Variants in DLG2 observed in about 807,000 individuals in gnomAD.
The protein encoded by DLG2 is discs large MAGUK scaffold protein 2.
In DLG2, 45 loss-of-function variants were observed where a neutral mutation model predicts 132.5. That is an observed-to-expected ratio of 0.34 (90% CI 0.27 to 0.44). DLG2 has a LOEUF of 0.44. Among genes scored for constraint, DLG2 ranks in the 20% least tolerant of loss-of-function variants. The pLI is 1.00. For synonymous variants in DLG2, 424 were observed against 419.6 expected (o/e 1.01, Z -0.13); for missense variants, 1,045 against 1,196.9 (o/e 0.87, Z 1.87).
At chr11:83,479,193 G>C (rs764618512) in intron 22 of DLG2, among the ~76,000 whole-genome samples, 1 of 151,558 alleles carries the variant, frequency 6.6e-6, no homozygotes, top group Non-Finnish European at 1.5e-5. Context: ...TTATTCCTTG[G>C]TCTACATCTT....
At chr11:84,349,890 A>G (rs1471401687) in intron 7 of DLG2, among the ~76,000 whole-genome samples, 2 of 152,158 alleles carry the variant, frequency 1.3e-5, no homozygotes, top group African/African-American at 4.8e-5. Flanking sequence ...AAAAAAATCC[A>G]GGCTAGGCCG....
intron 6 of DLG2, among the ~76,000 whole-genome samples, chr11:84,572,742 A>G (rs1463082395): frequency 6.6e-6 from 1 of 152,044 alleles, no homozygotes; most frequent in Non-Finnish European, 1.5e-5. Flanking sequence ...GAATGAGGTA[A>G]TATTATTCCC....
chr11:83,480,714 A>G, intron 22 of DLG2: 1 of 1,175,048 alleles, frequency 8.5e-7, no homozygotes, highest in Non-Finnish European at 1.2e-6. Flanking sequence ...ACCCATTCAT[A>G]TACCTCTGAC....
At chr11:84,988,295 T>C (rs1592270318) in intron 6 of DLG2, among the ~76,000 whole-genome samples, 2 of 152,232 alleles carry the variant, frequency 1.3e-5, no homozygotes, top group Admixed American at 1.3e-4. Flanking sequence ...AGTGGGAATG[T>C]AAACTAACAC....
intron 7 of DLG2, among the ~76,000 whole-genome samples, chr11:84,474,989 C>T (rs2099117778): frequency 6.6e-6 from 1 of 152,050 alleles, no homozygotes. Flanking sequence ...ATCCATCAGC[C>T]AGGTCTCTTG....
chr11:83,889,509 G>T (rs907721281), intron 15 of DLG2, among the ~76,000 whole-genome samples: 20 of 152,156 alleles, frequency 1.3e-4, no homozygotes, highest in Non-Finnish European at 2.9e-4. Flanking sequence ...ACTGTTGGTG[G>T]GACTGTAAAC....
At chr11:85,146,294 G>A (rs1352186814) in intron 5 of DLG2, among the ~76,000 whole-genome samples, 1 of 150,554 alleles carries the variant, frequency 6.6e-6, no homozygotes, top group Non-Finnish European at 1.5e-5. Context: ...GGGAGGGATG[G>A]CACAAGCACT....
In DLG2 at chr11:85,110,437, A is replaced by C. The variant is rs556769637; in HGVS notation, c.357+1224T>G. On this transcript the variant is annotated intron_variant, in intron 6 of 27. Coordinates refer to ENST00000376104, the MANE Select transcript of DLG2 (RefSeq NM_001142699.3). The stretch of plus-strand genomic sequence containing the variant: ...TGTCTCAAAAATAAAAACCAAAACC[A>C]AAAACAGAAAAACCACATCCTTTCT... 3.3e-5 allele frequency among the ~76,000 whole-genome samples: 5 copies of C among 152,038 alleles called. No individual in the cohort carries two copies. The East Asian group carries it at 9.7e-4, about 29-fold the overall frequency.
chr11:84,091,765 G>C (rs2097097093), intron 10 of DLG2, among the ~76,000 whole-genome samples: 1 of 152,168 alleles, frequency 6.6e-6, no homozygotes, highest in Admixed American at 6.5e-5. Flanking sequence ...GTATCACGAG[G>C]CTGCATGCAC....
intron 8 of DLG2, among the ~76,000 whole-genome samples, chr11:84,183,545 A>G (rs1266552282): frequency 6.6e-6 from 1 of 152,190 alleles, no homozygotes; most frequent in East Asian, 1.9e-4. Context: ...AAAAAACATA[A>G]GTAAACTTGG....
chr11:83,547,719 C>G (rs1303632197), intron 19 of DLG2, among the ~76,000 whole-genome samples: 1 of 152,132 alleles, frequency 6.6e-6, no homozygotes, highest in East Asian at 1.9e-4. Context: ...CTGGTGAGAT[C>G]TGTACCAGAC....
chr11:84,895,987 GA>G (rs2090135468), intron 6 of DLG2, among the ~76,000 whole-genome samples: 1 of 152,082 alleles, frequency 6.6e-6, no homozygotes, highest in African/African-American at 2.4e-5. Context: ...TGTATTAATA[GA>G]TATACTGTAT....
At chr11:84,936,341 A>G (rs2048742581) in intron 6 of DLG2, among the ~76,000 whole-genome samples, 2 of 152,176 alleles carry the variant, frequency 1.3e-5, no homozygotes, top group Non-Finnish European at 2.9e-5. Flanking sequence ...GGTTAGCATA[A>G]AAATTGGTAC....
intron 2 of DLG2, chr11:85,625,101 A>G (rs1301710971): frequency 6.6e-6 from 1 of 151,820 alleles, no homozygotes; most frequent in Non-Finnish European, 1.5e-5. Context: ...CTTCCTTCCC[A>G]CATACCTTTT....
chr11:84,107,029 T>C lies in DLG2; in HGVS notation c.625-7982A>G, dbSNP rs542034475. ...GTGTGTGTGTGAGAGAGTTTTAGCC[T>C]TAGGGGAGATATGTGGCAGTATCGA... On this transcript the variant is annotated intron_variant, in intron 9 of 27. Coordinates refer to ENST00000376104, the MANE Select transcript of DLG2 (RefSeq NM_001142699.3). Among the ~76,000 whole-genome samples the C allele has an allele frequency of 2.6e-4, 23 of 87,962 alleles. No homozygotes were observed. The Admixed American group carries it at 2.6e-3, about 10-fold the overall frequency. The allele number at this position is 87,962 out of a possible 152,430, so 57.7% of individuals were successfully genotyped here.
At chr11:83,870,294 C>T (rs1011908530) in intron 16 of DLG2, among the ~76,000 whole-genome samples, 14 of 152,168 alleles carry the variant, frequency 9.2e-5, no homozygotes, top group Non-Finnish European at 2.1e-4. Context: ...AAGTATTTCA[C>T]TCTATTGAGT....
chr11:84,497,095 G>A (rs190391513), intron 7 of DLG2, among the ~76,000 whole-genome samples: 18 of 152,174 alleles, frequency 1.2e-4, no homozygotes, highest in African/African-American at 4.1e-4. Context: ...AATAGATAAT[G>A]GCGTTTAACT....
intron 16 of DLG2, among the ~76,000 whole-genome samples, chr11:83,854,648 G>C (rs2060237730): frequency 6.6e-6 from 1 of 152,010 alleles, no homozygotes. Flanking sequence ...AAACTCCTTG[G>C]AGATACTGTA....
intron 8 of DLG2, among the ~76,000 whole-genome samples, chr11:84,203,240 A>G (rs2154300854): frequency 6.6e-6 from 1 of 152,280 alleles, no homozygotes; most frequent in East Asian, 1.9e-4. Context: ...TAGACTGGAT[A>G]AAGAAAATAT....
Sources: allele counts gnomAD v4.1 joint callset (sites outside exome capture counted in the v4.1 genomes callset), GRCh38; gene constraint gnomAD v4.1.1; transcripts MANE v1.5; gene names NCBI Gene and HGNC (gene_info 2026-07-23, HGNC 2026-07-21).